The following ITPR2 variants were observed in gnomAD, a reference collection of about 807,000 sequenced individuals.
ITPR2 encodes inositol 1,4,5-trisphosphate-gated calcium channel ITPR2.
A neutral mutation model predicts 317.1 loss-of-function variants in ITPR2; 207 were observed. That is an observed-to-expected ratio of 0.65 (90% CI 0.58 to 0.73). The LOEUF (loss-of-function observed/expected upper bound fraction) is 0.73. ITPR2 is among the 30% of genes least tolerant of loss of function. The pLI, the probability that ITPR2 is intolerant of heterozygous loss-of-function variation, is 0.00. For synonymous variants in ITPR2, 1,156 were observed against 1,149.1 expected (o/e 1.01, Z -0.12); for missense variants, 2,613 against 3,284.0 (o/e 0.80, Z 4.99).
intron 13 of ITPR2, among the ~76,000 whole-genome samples, chr12:26,669,743 G>A (rs1408797624): frequency 6.6e-6 from 1 of 152,380 alleles, no homozygotes; most frequent in African/African-American, 2.4e-5. Flanking sequence ...AGCAGTGCGA[G>A]GCATTGCCTC....
intron 37 of ITPR2, among the ~76,000 whole-genome samples, chr12:26,527,469 C>A (rs936543398): frequency 4.6e-5 from 7 of 152,208 alleles, no homozygotes; most frequent in African/African-American, 1.7e-4. Context: ...TTTGGGGAAT[C>A]CCTTTCAGTT....
intron 9 of ITPR2, among the ~76,000 whole-genome samples, chr12:26,700,261 G>T (rs1292818066): frequency 6.6e-6 from 1 of 152,180 alleles, no homozygotes; most frequent in East Asian, 1.9e-4. Flanking sequence ...AGCCTTGAAG[G>T]ATGGGTAGAA....
intron 55 of ITPR2, among the ~76,000 whole-genome samples, chr12:26,382,430 C>T (rs996198837): frequency 4.6e-5 from 7 of 152,102 alleles, no homozygotes; most frequent in South Asian, 2.1e-4. Context: ...TTTGGGAGAT[C>T]GAAGCAGGTG....
chr12:26,378,376 G>T (rs1939406887), intron 55 of ITPR2, among the ~76,000 whole-genome samples: 1 of 152,094 alleles, frequency 6.6e-6, no homozygotes, highest in African/African-American at 2.4e-5. Context: ...GAAAAGCATG[G>T]CATTTTTGAG....
In ITPR2 at chr12:26,655,411, G is replaced by C. The variant is rs373570161; in HGVS notation, c.2589+297C>G. 2.1e-3 allele frequency among the ~76,000 whole-genome samples: 325 copies of C among 152,040 alleles called. 1 individual carries two copies. The highest frequency in any genetic ancestry group is 7.5e-3 in the African/African-American group (313 of 41,466). On this transcript the variant is annotated intron_variant, in intron 20 of 56. Coordinates refer to ENST00000381340, the MANE Select transcript of ITPR2 (RefSeq NM_002223.4). ...AGGTGGATCACGAGGTCAGGACATCGAGACCATCCCAGCTAACATGGTGAA... is the reference window on the plus strand; with the variant it reads ...AGGTGGATCACGAGGTCAGGACATCCAGACCATCCCAGCTAACATGGTGAA...
intron 55 of ITPR2, among the ~76,000 whole-genome samples, chr12:26,358,534 T>C (rs953512759): frequency 1.3e-5 from 2 of 152,164 alleles, no homozygotes; most frequent in African/African-American, 4.8e-5. Context: ...CCTGAAGAGC[T>C]GGCAACAATT....
intron 48 of ITPR2, among the ~76,000 whole-genome samples, chr12:26,430,447 A>G (rs1415288409): frequency 1.3e-5 from 2 of 152,308 alleles, no homozygotes; most frequent in East Asian, 1.9e-4. Flanking sequence ...TATTGTCAGT[A>G]GAGTCTAGGT....
At chr12:26,782,355 A>C (rs1416462536) in intron 2 of ITPR2, among the ~76,000 whole-genome samples, 1 of 151,974 alleles carries the variant, frequency 6.6e-6, no homozygotes, top group Non-Finnish European at 1.5e-5. Flanking sequence ...AAGACAGAAA[A>C]ATCCCTAAAG....
chr12:26,514,829 C>T (rs1273210070), intron 37 of ITPR2, among the ~76,000 whole-genome samples: 1 of 152,124 alleles, frequency 6.6e-6, no homozygotes, highest in East Asian at 1.9e-4. Flanking sequence ...AAAATAGTTC[C>T]TATTTTAATT....
At chr12:26,431,087 G>A (rs560093183) in intron 48 of ITPR2, among the ~76,000 whole-genome samples, 7 of 152,256 alleles carry the variant, frequency 4.6e-5, no homozygotes, top group African/African-American at 1.7e-4. Flanking sequence ...TACAAAGATT[G>A]TAAAATCTTT....
chr12:26,504,372 C>T (rs914175729), intron 37 of ITPR2, among the ~76,000 whole-genome samples: 2 of 152,122 alleles, frequency 1.3e-5, no homozygotes, highest in African/African-American at 2.4e-5. Flanking sequence ...CAACAGATGA[C>T]TGGTATTCAG....
rs7970041 is a variant in ITPR2, at chr12:26,624,903, C to T, written c.3065-547G>A. 9.3e-3 allele frequency among the ~76,000 whole-genome samples: 1,412 copies of T among 152,022 alleles called. 24 individuals carry two copies. The highest frequency in any genetic ancestry group is 0.032 in the African/African-American group (1,333 of 41,450). ...CTGCATTTCCATTTTTATGGAGGCA[C>T]TATTTACAATAGCTAAGATTTGGAA... On this transcript the variant is annotated intron_variant, in intron 23 of 56. Transcript: ENST00000381340.
chr12:26,571,552 T>G (rs1417711199), intron 34 of ITPR2, among the ~76,000 whole-genome samples: 1 of 152,242 alleles, frequency 6.6e-6, no homozygotes, highest in Non-Finnish European at 1.5e-5. Context: ...GCACACGGTA[T>G]AAAACAGGTA....
chr12:26,754,844 T>C (rs1011910354), intron 2 of ITPR2, among the ~76,000 whole-genome samples: 4 of 152,302 alleles, frequency 2.6e-5, no homozygotes, highest in East Asian at 1.9e-4. Flanking sequence ...TTAACAAAAA[T>C]TGTACAGGGT....
Position 26,833,067 on chromosome 12 carries a change from T to G in ITPR2, c.-286A>C, listed in dbSNP as rs1951145703. On this transcript the variant is annotated 5_prime_UTR_variant, in exon 1 of 57. Coordinates refer to ENST00000381340, the MANE Select transcript of ITPR2 (RefSeq NM_002223.4). ...GCCGCCTCCCCGGCAGGTTTCCTGT[T>G]CCTTTCTGAAGTTTTCTCTCCAACA... The G allele has an allele frequency of 2.4e-6, 1 of 416,348 alleles. No homozygotes were observed. 25.8% of individuals were successfully genotyped at this position (416,348 alleles called of 1,614,324 possible).
At chr12:26,583,992 C>T (rs1282310910) in intron 32 of ITPR2, among the ~76,000 whole-genome samples, 2 of 152,230 alleles carry the variant, frequency 1.3e-5, no homozygotes, top group Non-Finnish European at 2.9e-5. Flanking sequence ...TAAATTGAAG[C>T]TACATATTAG....
At chr12:26,550,478 C>A in intron 36 of ITPR2, 123 bp from the exon 37 acceptor site, 1 of 594,148 alleles carries the variant, frequency 1.7e-6, no homozygotes, top group Non-Finnish European at 2.9e-6. Context: ...AAACCAGGTA[C>A]ATGTTTTCAA....
rs770069687 is a variant in ITPR2 at position 26,419,263 on chromosome 12, C to T, written c.6946-50G>A. The stretch of plus-strand genomic sequence containing the variant: ...TTACTGTCTTATTTATCCTGAAACC[C>T]ACATGGATGAAAACTACTATTCATA... On this transcript the variant is annotated intron_variant, in intron 49 of 56. Coordinates refer to ENST00000381340, the MANE Select transcript of ITPR2 (RefSeq NM_002223.4). The T allele has an allele frequency of 2.6e-6, 4 of 1,534,736 alleles. No homozygotes were observed. In the South Asian group the frequency reaches 4.7e-5, roughly 18 times the overall value.
At chr12:26,394,992 CAGAA>C (rs1565502851) in intron 54 of ITPR2, among the ~76,000 whole-genome samples, 1 of 152,030 alleles carries the variant, frequency 6.6e-6, no homozygotes, top group Non-Finnish European at 1.5e-5. Context: ...AGGAGGGAGA[CAGAA>C]AGGGATGATG....
Sources: gnomAD v4.1 joint callset for allele counts (sites outside exome capture counted in the v4.1 genomes callset) on GRCh38, gnomAD v4.1.1 for gene constraint, MANE v1.5 for transcripts, NCBI Gene and HGNC (gene_info 2026-07-23, HGNC 2026-07-21) for gene names.